The following MTUS2 variants were observed in gnomAD, a reference collection of about 807,000 sequenced individuals.
MTUS2 encodes the protein microtubule associated scaffold protein 2.
In MTUS2, 40 loss-of-function variants were observed where a neutral mutation model predicts 114.1. That is an observed-to-expected ratio of 0.35 (90% CI 0.27 to 0.46). The LOEUF (loss-of-function observed/expected upper bound fraction) is 0.46. Among genes scored for constraint, MTUS2 ranks in the 20% least tolerant of loss-of-function variants. The probability of loss-of-function intolerance (pLI) is 1.00; values close to 1 mark genes in which losing one functional copy is unlikely to be tolerated. For synonymous variants in MTUS2, 688 were observed against 672.0 expected, an observed-to-expected ratio of 1.02 and a Z score of -0.37; for missense variants, 1,679 against 1,705.4, an observed-to-expected ratio of 0.98 and a Z score of 0.27.
chr13:29,370,013 A>G (rs1441957588), intron 8 of MTUS2, among the ~76,000 whole-genome samples: 2 of 152,236 alleles, frequency 1.3e-5, no homozygotes, highest in Non-Finnish European at 2.9e-5. Flanking sequence ...AAAGATATCC[A>G]TAATCACTTT....
At chr13:28,973,006 CAAAA>C (rs962132968) in intron 2 of MTUS2, among the ~76,000 whole-genome samples, 1 of 151,930 alleles carries the variant, frequency 6.6e-6, no homozygotes, top group East Asian at 1.9e-4. Context: ...ATGTATATAT[CAAAA>C]AATATATATA....
intron 5 of MTUS2, among the ~76,000 whole-genome samples, chr13:29,265,616 A>G (rs1897637724): frequency 6.6e-6 from 1 of 152,214 alleles, no homozygotes; most frequent in South Asian, 2.1e-4. Flanking sequence ...CAGGCTTTAC[A>G]GGAAGCATGG....
rs569726925 is a variant in MTUS2 at position 29,161,832 on chromosome 13, C to T, written c.2644+60862C>T. ...TTGCTGTGTTTTCTGTGTGTGGCCT[C>T]CTGGTTCCCACTCTCTGCCTCACCT... On this transcript the variant is annotated intron_variant, in intron 5 of 15. Transcript: ENST00000612955. Among the ~76,000 whole-genome samples the T allele has an allele frequency of 8.5e-5, 13 of 152,322 alleles. No individual in the cohort carries two copies. In the South Asian group the frequency reaches 2.7e-3, roughly 32 times the overall value.
At chr13:29,110,475 A>C (rs186252465) in intron 5 of MTUS2, among the ~76,000 whole-genome samples, 1 of 152,224 alleles carries the variant, frequency 6.6e-6, no homozygotes, top group Non-Finnish European at 1.5e-5. Flanking sequence ...AAGTCAAACA[A>C]ATGTCACTAA....
intron 5 of MTUS2, among the ~76,000 whole-genome samples, chr13:29,211,245 G>A (rs1895418050): frequency 6.6e-6 from 1 of 152,114 alleles, no homozygotes; most frequent in African/African-American, 2.4e-5. Flanking sequence ...GGTTGCCAGG[G>A]GACTGGGGGA....
intron 6 of MTUS2, among the ~76,000 whole-genome samples, chr13:29,304,204 G>A (rs1472410395): frequency 6.6e-6 from 1 of 151,854 alleles, no homozygotes; most frequent in East Asian, 1.9e-4. Context: ...CACAGAGCAG[G>A]GACACTATGA....
At chr13:29,482,829 G>A (rs772975080) in intron 10 of MTUS2, among the ~76,000 whole-genome samples, 42 of 152,202 alleles carry the variant, frequency 2.8e-4, no homozygotes, top group Non-Finnish European at 4.4e-4. Context: ...TGGGGGAACC[G>A]GAGAGTGAAG....
At chr13:29,479,421 T>A (rs534099180) in intron 9 of MTUS2, among the ~76,000 whole-genome samples, 1 of 152,092 alleles carries the variant, frequency 6.6e-6, no homozygotes, top group South Asian at 2.1e-4. Flanking sequence ...GCTTGGAGAG[T>A]GAGCTCAGGC....
intron 2 of MTUS2, among the ~76,000 whole-genome samples, chr13:28,986,607 C>T (rs1407117222): frequency 6.6e-6 from 1 of 152,180 alleles, no homozygotes; most frequent in African/African-American, 2.4e-5. Flanking sequence ...CCTCTAACAG[C>T]ACCAGGCATC....
chr13:29,475,095 G>C (rs1302441514), intron 9 of MTUS2, among the ~76,000 whole-genome samples: 1 of 152,086 alleles, frequency 6.6e-6, no homozygotes, highest in East Asian at 1.9e-4. Context: ...TGATTCCTAG[G>C]TTCCATGTAC....
chr13:29,208,914 G>T (rs1286902641), intron 5 of MTUS2, among the ~76,000 whole-genome samples: 2 of 152,256 alleles, frequency 1.3e-5, no homozygotes, highest in East Asian at 3.9e-4. Flanking sequence ...TTGCTGGGTA[G>T]AATGTTCTCT....
chr13:29,314,402 A>G (rs1394391959), intron 6 of MTUS2, among the ~76,000 whole-genome samples: 1 of 152,232 alleles, frequency 6.6e-6, no homozygotes, highest in African/African-American at 2.4e-5. Flanking sequence ...TCAGACAAGA[A>G]GATGGTTCAG....
chr13:29,262,114 G>A (rs11616416), intron 5 of MTUS2, among the ~76,000 whole-genome samples: 35,106 of 152,228 alleles, frequency 0.23, 4,190 homozygotes, highest in Admixed American at 0.35. Context: ...GCTGATGCTG[G>A]CTTTGATCTT....
At chr13:29,235,074 AAATTT>A (rs200679011) in intron 5 of MTUS2, among the ~76,000 whole-genome samples, 3,778 of 152,032 alleles carry the variant, frequency 0.025, 153 homozygotes, top group African/African-American at 0.086. Flanking sequence ...GTAATTTTTC[AAATTT>A]AATTTAGTTA....
intron 2 of MTUS2, among the ~76,000 whole-genome samples, chr13:28,885,987 T>C (rs1263628637): frequency 7.2e-5 from 11 of 152,122 alleles, no homozygotes; most frequent in Admixed American, 7.2e-4. Flanking sequence ...GCAGTGAGGC[T>C]TGTGGAGCAG....
At chr13:28,998,457 G>T (rs1316615813) in intron 2 of MTUS2, among the ~76,000 whole-genome samples, 1 of 152,236 alleles carries the variant, frequency 6.6e-6, no homozygotes, top group Admixed American at 6.5e-5. Context: ...GATTGGGGAA[G>T]TTCTCCTGGA....
At chr13:28,928,457 T>A (rs1881442684) in intron 2 of MTUS2, among the ~76,000 whole-genome samples, 2 of 152,166 alleles carry the variant, frequency 1.3e-5, no homozygotes, top group African/African-American at 4.8e-5. Flanking sequence ...AAATAGACAT[T>A]TCTCAAAAGA....
At chr13:29,097,445 A>G (rs771400231) in intron 4 of MTUS2, among the ~76,000 whole-genome samples, 4 of 152,126 alleles carry the variant, frequency 2.6e-5, no homozygotes, top group African/African-American at 4.8e-5. Flanking sequence ...TATAGCTATC[A>G]TTTGTTTATT....
chr13:28,954,438 T>C lies in MTUS2; in HGVS notation c.-242-70019T>C, dbSNP rs113006277. ...ACAAAAGAAAATTGTGACCTTCCAT[T>C]AGTTTCTTCTCTCATTAGTCCATGC... On this transcript the variant is annotated intron_variant, in intron 2 of 15. Transcript: ENST00000612955. Among the ~76,000 whole-genome samples, 148 of 152,322 alleles carry C rather than the reference T, an allele frequency of 9.7e-4. 1 individual carries two copies. The highest frequency in any genetic ancestry group is 3.5e-3 in the African/African-American group (145 of 41,572).
Sources: gnomAD v4.1 joint callset for allele counts (sites outside exome capture counted in the v4.1 genomes callset) on GRCh38, gnomAD v4.1.1 for gene constraint, MANE v1.5 for transcripts, NCBI Gene and HGNC (gene_info 2026-07-23, HGNC 2026-07-21) for gene names.